The following NEK1 variants were observed in gnomAD, a reference collection of about 807,000 sequenced individuals.
NEK1 encodes NIMA related kinase 1.
NEK1 carries 137 observed loss-of-function variants against 182.1 expected under a neutral mutation model. The observed-to-expected ratio is 0.75, with a 90% CI of 0.65 to 0.87. The LOEUF (loss-of-function observed/expected upper bound fraction) is 0.87. Ranked by LOEUF, NEK1 falls within the 40% of genes least tolerant of loss-of-function variation. The pLI is 0.00. For missense variants in NEK1, 1,391 were observed against 1,494.4 expected, an observed-to-expected ratio of 0.93 and a Z score of 1.14; for synonymous variants, 513 against 492.2, an observed-to-expected ratio of 1.04 and a Z score of -0.56.
intron 27 of NEK1, among the ~76,000 whole-genome samples, chr4:169,458,827 C>CAA (rs201340623): frequency 4.4e-5 from 4 of 90,372 alleles, no homozygotes; most frequent in Non-Finnish European, 7.4e-5. Flanking sequence ...GACCCCATCT[C>CAA]AAAAAAAAAA....
intron 23 of NEK1, among the ~76,000 whole-genome samples, chr4:169,481,874 C>A (rs897615480): frequency 1.3e-5 from 2 of 152,118 alleles, no homozygotes; most frequent in African/African-American, 4.8e-5. Context: ...AGCTTTGAAG[C>A]CAGGTATTGA....
chr4:169,504,586 T>C (rs1417397715), intron 23 of NEK1, among the ~76,000 whole-genome samples: 1 of 152,044 alleles, frequency 6.6e-6, no homozygotes, highest in Admixed American at 6.6e-5. Flanking sequence ...TGCAACAATA[T>C]GAAAGGAACT....
At chr4:169,534,845 G>T (rs1393140684) in intron 19 of NEK1, among the ~76,000 whole-genome samples, 1 of 152,106 alleles carries the variant, frequency 6.6e-6, no homozygotes, top group Non-Finnish European at 1.5e-5. Flanking sequence ...AAGAAAAAAA[G>T]ATGACCCTAA....
chr4:169,404,278 A>G (rs1260123487), intron 32 of NEK1, among the ~76,000 whole-genome samples: 1 of 152,164 alleles, frequency 6.6e-6, no homozygotes, highest in Non-Finnish European at 1.5e-5. Context: ...AAGTAGAAGA[A>G]ACAAAAGTAA....
At chr4:169,423,366 G>A (rs1034704730) in intron 31 of NEK1, among the ~76,000 whole-genome samples, 1 of 152,128 alleles carries the variant, frequency 6.6e-6, no homozygotes, top group African/African-American at 2.4e-5. Flanking sequence ...GCTTCCCAAA[G>A]TGCTGGGATT....
chr4:169,508,398 ATT>A, intron 20 of NEK1, 67 bp from the exon 21 acceptor site: 1 of 1,309,488 alleles, frequency 7.6e-7, no homozygotes, highest in Non-Finnish European at 1.0e-6. Context: ...TTACTGCTAG[ATT>A]TTTTTTAAAT....
intron 18 of NEK1, among the ~76,000 whole-genome samples, chr4:169,549,960 G>T (rs1034648645): frequency 1.3e-5 from 2 of 152,170 alleles, no homozygotes; most frequent in Admixed American, 1.3e-4. Context: ...GATCTCAAGT[G>T]ATCTGCCCAC....
intron 12 of NEK1, among the ~76,000 whole-genome samples, chr4:169,572,003 C>T (rs1764945657): frequency 6.6e-6 from 1 of 151,760 alleles, no homozygotes; most frequent in Non-Finnish European, 1.5e-5. Context: ...GCCCACCTCC[C>T]AAAGTGCTGG....
intron 31 of NEK1, among the ~76,000 whole-genome samples, chr4:169,412,450 T>C (rs1019353390): frequency 1.3e-5 from 2 of 152,298 alleles, no homozygotes; most frequent in South Asian, 2.1e-4. Context: ...CACTGATGAA[T>C]TCTCCCTAAC....
At chr4:169,505,789 C>G (rs570378063) in intron 23 of NEK1, among the ~76,000 whole-genome samples, 1 of 152,106 alleles carries the variant, frequency 6.6e-6, no homozygotes, top group East Asian at 1.9e-4. Flanking sequence ...CAGGAAAACT[C>G]ACTGGATAAG....
chr4:169,415,682 C>A (rs967401066), intron 31 of NEK1, among the ~76,000 whole-genome samples: 1 of 152,114 alleles, frequency 6.6e-6, no homozygotes, highest in African/African-American at 2.4e-5. Context: ...ACTGCTTATT[C>A]CAGGCCTATC....
At chr4:169,563,247 G>A (rs939976325) in intron 12 of NEK1, among the ~76,000 whole-genome samples, 1 of 151,836 alleles carries the variant, frequency 6.6e-6, no homozygotes. Context: ...TGTTGTCCCA[G>A]CTACTCAGGA....
intron 4 of NEK1, 75 bp from the exon 5 acceptor site, chr4:169,599,272 A>T: frequency 8.9e-7 from 1 of 1,123,718 alleles, no homozygotes; most frequent in Non-Finnish European, 1.3e-6. Flanking sequence ...AGTACTTAAA[A>T]GCTTACTAAA....
At chr4:169,521,114 C>CCAG (rs1755923593) in intron 19 of NEK1, among the ~76,000 whole-genome samples, 1 of 75,546 alleles carries the variant, frequency 1.3e-5, no homozygotes, top group Non-Finnish European at 2.7e-5. Flanking sequence ...GCCTCGTTGC[C>CCAG]GCCTTGCAGT....
intron 5 of NEK1, among the ~76,000 whole-genome samples, chr4:169,598,762 G>A (rs1374824095): frequency 6.6e-6 from 1 of 152,180 alleles, no homozygotes; most frequent in Non-Finnish European, 1.5e-5. Context: ...ACCTGGCAAA[G>A]CCACATTTTA....
chr4:169,511,440 C>T (rs907171705), intron 19 of NEK1, among the ~76,000 whole-genome samples: 2 of 152,068 alleles, frequency 1.3e-5, no homozygotes, highest in Admixed American at 6.6e-5. Flanking sequence ...TAGATGATAA[C>T]TTCCTTTCAT....
chr4:169,606,719 TA>T (rs1771403646), intron 2 of NEK1, among the ~76,000 whole-genome samples: 2 of 152,360 alleles, frequency 1.3e-5, no homozygotes, highest in Admixed American at 1.3e-4. Context: ...TCTAGGAGAT[TA>T]AGTGAAAGTC....
intron 19 of NEK1, among the ~76,000 whole-genome samples, chr4:169,532,274 G>C (rs946276130): frequency 6.6e-6 from 1 of 152,120 alleles, no homozygotes; most frequent in Non-Finnish European, 1.5e-5. Flanking sequence ...ATAAAAAAAG[G>C]CTCTTGTATG....
At chr4:169,546,495 G>C (rs1760480348) in intron 18 of NEK1, among the ~76,000 whole-genome samples, 1 of 152,116 alleles carries the variant, frequency 6.6e-6, no homozygotes, top group Admixed American at 6.5e-5. Flanking sequence ...ATGTCTATTA[G>C]GTCCGCTCAG....
Sources: allele counts gnomAD v4.1 joint callset (sites outside exome capture counted in the v4.1 genomes callset), GRCh38; gene constraint gnomAD v4.1.1; transcripts MANE v1.5; gene names NCBI Gene and HGNC (gene_info 2026-07-23, HGNC 2026-07-21).